Variants in RGP1 observed in about 807,000 individuals in gnomAD.
RGP1 encodes RAB6A-GEF complex partner protein 2.
A neutral mutation model predicts 44.5 loss-of-function variants in RGP1; 28 were observed. That is an observed-to-expected ratio of 0.63 (90% CI 0.47 to 0.86). RGP1 has a LOEUF of 0.86. Among genes scored for constraint, RGP1 ranks in the 40% least tolerant of loss-of-function variants. The pLI is 0.00. For missense variants in RGP1, 417 were observed against 490.7 expected, an observed-to-expected ratio of 0.85 and a Z score of 1.42; for synonymous variants, 212 against 196.7, an observed-to-expected ratio of 1.08 and a Z score of -0.65.
intron 5 of RGP1, 36 bp from the exon 6 acceptor site, chr9:35,751,230 C>T (rs778815017): frequency 2.5e-5 from 40 of 1,610,734 alleles, no homozygotes; most frequent in Non-Finnish European, 3.1e-5. Context: ...TCTCCGTTCC[C>T]TCTCAGCATT....
the RGP1 span, among the ~76,000 whole-genome samples, chr9:35,779,161 C>T: frequency 1.3e-5 from 2 of 152,140 alleles, no homozygotes; most frequent in Non-Finnish European, 2.9e-5. Flanking sequence ...TGGATCAGAG[C>T]TCCTCTCCAG....
At chr9:35,779,180 A>G in the RGP1 span, among the ~76,000 whole-genome samples, 1 of 152,142 alleles carries the variant, frequency 6.6e-6, no homozygotes, top group Non-Finnish European at 1.5e-5. Flanking sequence ...AGGGCTTACA[A>G]AGAGGTAGCA....
At chr9:35,790,372 T>G in the RGP1 span, 1 of 153,750 alleles carries the variant, frequency 6.5e-6, no homozygotes, top group Non-Finnish European at 1.5e-5. Context: ...TTTCTTTGTA[T>G]TCACAGGTAC....
the RGP1 span, among the ~76,000 whole-genome samples, chr9:35,788,217 T>C: frequency 6.6e-6 from 1 of 152,118 alleles, no homozygotes; most frequent in Non-Finnish European, 1.5e-5. Context: ...TTGGAAACCA[T>C]AGGAGATTCT....
downstream of RGP1, among the ~76,000 whole-genome samples, chr9:35,760,003 G>A (rs1365823756): frequency 5.3e-5 from 8 of 151,346 alleles, no homozygotes; most frequent in Admixed American, 1.3e-4. Flanking sequence ...CTGAGGGGCA[G>A]CATTGATTTC....
chr9:35,752,547 C>A (rs997849160), intron 8 of RGP1, 104 bp from the exon 9 acceptor site: 2 of 1,054,546 alleles, frequency 1.9e-6, no homozygotes, highest in Non-Finnish European at 2.8e-6. Flanking sequence ...TCCCTGTCTT[C>A]CTGAACACAG....
In RGP1 at chr9:35,750,715, G is replaced by A; in HGVS notation, c.311G>A (p.Arg104Lys). Reference protein sequence around the residue: ...TPPKILFCDLRLDPGESKSYS... With the variant: ...TPPKILFCDLKLDPGESKSYS... ...CCGAAAATTCTATTCTGTGACCTGA[G>A]GCTTGATCCTGGAGAGTCCAAATCA... The change falls in exon 4 of 9, where the codon AGG (arginine) becomes AAG (lysine). Residue 104 changes from arginine to lysine, a missense_variant. Transcript: ENST00000378078. The A allele has an allele frequency of 6.2e-7, 1 of 1,613,942 alleles. No homozygotes were observed. The highest frequency in any genetic ancestry group is 8.5e-7 in the Non-Finnish European group (1 of 1,179,876).
the RGP1 span, among the ~76,000 whole-genome samples, chr9:35,786,172 C>A: frequency 2.0e-5 from 3 of 152,188 alleles, no homozygotes; most frequent in Non-Finnish European, 4.4e-5. Flanking sequence ...GCAGTGATAA[C>A]CATGTTTCCT....
At chr9:35,778,036 A>G in the RGP1 span, among the ~76,000 whole-genome samples, 1 of 152,234 alleles carries the variant, frequency 6.6e-6, no homozygotes, top group Non-Finnish European at 1.5e-5. Context: ...GCGGTGGCTC[A>G]TGCCTGTAAT....
chr9:35,767,441 C>T, the RGP1 span, among the ~76,000 whole-genome samples: 4 of 152,020 alleles, frequency 2.6e-5, no homozygotes, highest in Non-Finnish European at 5.9e-5. Context: ...ATGATACCAC[C>T]ATTCTTCAAG....
rs780117563 is a variant in RGP1 at position 35,749,859 on chromosome 9, C to T, written c.104C>T (p.Thr35Ile). ...ACCAACCCCCTTCCGCCCACGGCCA[C>T]TTCTGCATCCAGGTGGGGATGCTGG... ...TVTNPLPPTA[T>I]SASSEALAWA... The change falls in exon 2 of 9, where the codon ACT (threonine) becomes ATT (isoleucine). Residue 35 changes from threonine to isoleucine, a missense_variant. Physicochemically the swap from Thr to Ile is moderately conservative, Grantham distance 89 (BLOSUM62 -1). Transcript: ENST00000378078. The surrounding 1 kb of genome is among the most constrained non-coding windows in gnomAD (Gnocchi z 4.4). 1.2e-6 allele frequency: 2 copies of T among 1,611,836 alleles called. No individual in the cohort carries two copies. Among genetic ancestry groups the T allele is most frequent in the South Asian group, 1.1e-5 (1 of 90,992 alleles).
chr9:35,752,134 G>A lies in RGP1; in HGVS notation c.941G>A (p.Cys314Tyr). ...PIPLSSTPGFCTAIVSLKWRL... is the reference protein window; with the variant it reads ...PIPLSSTPGFYTAIVSLKWRL... ...CCTCTCAGCTCCACCCCAGGCTTCT[G>A]TACAGCCATTGGTGAGACCCTCACT... The change falls in exon 8 of 9, where the codon TGT becomes TAT. Residue 314 changes from cysteine to tyrosine, a missense_variant. Coordinates refer to ENST00000378078, the MANE Select transcript of RGP1 (RefSeq NM_001080496.3). 6.4e-7 allele frequency: 1 copy of A among 1,566,394 alleles called. No individual in the cohort carries two copies. Among genetic ancestry groups the A allele is most frequent in the Non-Finnish European group, 8.6e-7 (1 of 1,157,514 alleles).
chr9:35,751,146 G>A (rs1422535354), intron 5 of RGP1, 120 bp from the exon 6 acceptor site: 1 of 1,460,286 alleles, frequency 6.8e-7, no homozygotes, highest in Non-Finnish European at 9.4e-7. Flanking sequence ...AGATAGAGAT[G>A]TAAACCTCAG....
rs759856483 is a variant in RGP1 at position 35,749,440 on chromosome 9, G to T, written c.-20+32G>T. On this transcript the variant is annotated intron_variant, in intron 1 of 8. Transcript: ENST00000378078. This position sits in a 1 kb window ranked among gnomAD's most constrained non-coding sequence, Gnocchi z 4.4. ...AGCGGCGGTGATCTTGGGCTGGGAC[G>T]TGGAACTTTGAGGAAAGGGGGAGCG... is the stretch of plus-strand genomic sequence containing the variant. The T allele has an allele frequency of 1.7e-6, 1 of 592,482 alleles. No homozygotes were observed. The allele number at this position is 592,482 out of a possible 1,614,324, so 36.7% of individuals were successfully genotyped here.
At chr9:35,774,628 G>A in the RGP1 span, among the ~76,000 whole-genome samples, 3 of 152,174 alleles carry the variant, frequency 2.0e-5, no homozygotes, top group Non-Finnish European at 4.4e-5. Flanking sequence ...GGAGGCTGAG[G>A]CAGGAGAGTG....
At position 35,752,682 on chromosome 9, in the gene RGP1, T is replaced by C; in HGVS notation, c.984T>C (p.Phe328=). The change falls in exon 9 of 9, where the codon TTT becomes TTC. Residue 328 remains phenylalanine (F), a synonymous_variant. Transcript: ENST00000378078. Reference sequence around the variant, plus strand: ...TGAAGTGGAGATTGCATTTTGAATTTGTAACGTCCCGAGAACCAGGATTGG... The same window carrying C: ...TGAAGTGGAGATTGCATTTTGAATTCGTAACGTCCCGAGAACCAGGATTGG... The part of the protein sequence containing the change: ...VSLKWRLHFE[F]VTSREPGLVL... 1 of 1,613,016 alleles carries C rather than the reference T, an allele frequency of 6.2e-7. No homozygotes were observed. The highest frequency in any genetic ancestry group is 8.5e-7 in the Non-Finnish European group (1 of 1,179,458).
chr9:35,769,388 T>A, the RGP1 span, among the ~76,000 whole-genome samples: 1 of 150,330 alleles, frequency 6.7e-6, no homozygotes, highest in Non-Finnish European at 1.5e-5. Flanking sequence ...TTTTTCTCAT[T>A]CGCTCATTCT....
chr9:35,776,476 AG>A, the RGP1 span, among the ~76,000 whole-genome samples: 1 of 151,808 alleles, frequency 6.6e-6, no homozygotes, highest in East Asian at 1.9e-4. Context: ...CAGTAGAGAC[AG>A]GGTTTCATTA....
chr9:35,753,470 G>T lies in RGP1; in HGVS notation c.*596G>T. 1.3e-6 allele frequency: 1 copy of T among 777,356 alleles called. No homozygotes were observed. The highest frequency in any genetic ancestry group is 2.1e-6 in the Non-Finnish European group (1 of 487,754). 48.2% of individuals were successfully genotyped at this position (777,356 alleles called of 1,614,324 possible). On this transcript the variant is annotated 3_prime_UTR_variant, in exon 9 of 9. Transcript: ENST00000378078. The surrounding 1 kb of genome is among the most constrained non-coding windows in gnomAD (Gnocchi z 4.2). Reference sequence around the variant, plus strand: ...TATAACAGGAGTATTTTCTCTCCAGGTCCACCCCAACCTCCCCTGATTTAT... The same window carrying T: ...TATAACAGGAGTATTTTCTCTCCAGTTCCACCCCAACCTCCCCTGATTTAT...
Sources: gnomAD v4.1 joint callset for allele counts (sites outside exome capture counted in the v4.1 genomes callset) on GRCh38, gnomAD v4.1.1 for gene constraint, Gnocchi (gnomAD v3.1) non-coding constraint, MANE v1.5 for transcripts, NCBI Gene and HGNC (gene_info 2026-07-23, HGNC 2026-07-21) for gene names.